The following EMILIN3 variants were observed in gnomAD, a reference collection of about 807,000 sequenced individuals.
EMILIN3 encodes EMILIN-3.
Under a neutral mutation model 42.8 loss-of-function variants are expected in EMILIN3, and 38 were observed. That is an observed-to-expected ratio of 0.89 (90% CI 0.69 to 1.16). The LOEUF is 1.16. Ranked by LOEUF, EMILIN3 falls within the 50% of genes most tolerant of loss-of-function variation. The pLI, the probability that EMILIN3 is intolerant of heterozygous loss-of-function variation, is 0.00. For missense variants in EMILIN3, 924 were observed against 999.5 expected, an observed-to-expected ratio of 0.92 and a Z score of 1.02; for synonymous variants, 430 against 440.5, an observed-to-expected ratio of 0.98 and a Z score of 0.30.
chr20:41,361,788 A>G lies in EMILIN3; in HGVS notation c.1781T>C (p.Val594Ala). The G allele has an allele frequency of 6.2e-7, 1 of 1,613,676 alleles. No homozygotes were observed. Among genetic ancestry groups the G allele is most frequent in the Non-Finnish European group, 8.5e-7 (1 of 1,180,040 alleles). ...ITLLKVNLNS[V>A]SKSLTGLSDS... is the part of the protein sequence containing the mutation. The stretch of plus-strand genomic sequence containing the variant: ...ACTGAGGCCTGTGAGCGACTTGCTC[A>G]CTGAGTTCAGATTGACCTTGAGCAG... Residue 594 changes from valine (V) to alanine (A), a missense_variant, in exon 4 of 4, where the codon GTG becomes GCG. By Grantham distance (64) the Val-to-Ala change is moderately conservative. Transcript: ENST00000332312.
At position 41,363,045 on chromosome 20, in the gene EMILIN3, C is replaced by T; in HGVS notation, c.524G>A (p.Gly175Asp). 1 of 1,570,634 alleles carries T rather than the reference C, an allele frequency of 6.4e-7. No individual in the cohort carries two copies. Among genetic ancestry groups the T allele is most frequent in the Non-Finnish European group, 8.7e-7 (1 of 1,153,078 alleles). ...CAGCCGCTCACCAAACAGCCCTGGG[C>T]CTTTCCTTCCTGGGAAAGAGAAGAG... is the stretch of plus-strand genomic sequence containing the variant. ...RAAPSPHGRKGPGLFGERLER... is the reference protein window; with the variant it reads ...RAAPSPHGRKDPGLFGERLER... Residue 175 changes from glycine to aspartate, a missense_variant, in exon 4 of 4, where the codon GGC (glycine) becomes GAC (aspartate). Transcript: ENST00000332312.
In EMILIN3 at chr20:41,363,019, CCAGCCGCTCACCAAA is replaced by C. The variant is rs748103297; in HGVS notation, c.535_549del (p.Phe179_Leu183del). 3 of 1,600,836 alleles carry C rather than the reference CCAGCCGCTCACCAAA, an allele frequency of 1.9e-6. No individual in the cohort carries two copies. The African/African-American group carries it at 4.0e-5, about 21-fold the overall frequency. ...CGCTGGACATCACCCTCCAGGCGTT[CCAGCCGCTCACCAAA>C]CAGCCCTGGGCCTTTCCTTCCTGGG... On this transcript the variant is annotated inframe_deletion, in exon 4 of 4. Transcript: ENST00000332312.
chr20:41,365,198 G>A (rs149931978), intron 1 of EMILIN3, 41 bp from the exon 2 acceptor site: 32 of 1,606,126 alleles, frequency 2.0e-5, no homozygotes, highest in Middle Eastern at 1.7e-4. Context: ...CTGGCTGAGC[G>A]AGGCCCACAG....
chr20:41,360,945 C>T lies in EMILIN3; in HGVS notation c.*323G>A. ...CAAGGCCAGTTTGCCACAGCAGCTG[C>T]CCCTGCCAGCCATGCTCAGGCCCTG... On this transcript the variant is annotated 3_prime_UTR_variant, in exon 4 of 4. Transcript: ENST00000332312. 2.5e-6 allele frequency: 1 copy of T among 398,018 alleles called. No homozygotes were observed. Among genetic ancestry groups the T allele is most frequent in the Non-Finnish European group, 4.6e-6 (1 of 219,212 alleles). 24.7% of individuals were successfully genotyped at this position (398,018 alleles called of 1,614,324 possible). A position where few individuals can be genotyped will look rare whatever the true frequency, so the allele number is the denominator to read the frequency against.
chr20:41,363,654 T>C lies in EMILIN3; in HGVS notation c.498A>G (p.Ala166=). The C allele has an allele frequency of 6.2e-7, 1 of 1,610,922 alleles. No individual in the cohort carries two copies. Among genetic ancestry groups the C allele is most frequent in the African/African-American group, 1.3e-5 (1 of 75,000 alleles). Residue 166 remains alanine (A), a synonymous_variant, in exon 3 of 4, where the codon GCA becomes GCG. Transcript: ENST00000332312. Reference sequence around the variant, plus strand: ...CAGACTCACCATGAGGGCTGGGGGCTGCTCTGCTGTAGGAAGGGGGCCTGG... The same window carrying C: ...CAGACTCACCATGAGGGCTGGGGGCCGCTCTGCTGTAGGAAGGGGGCCTGG... The part of the protein sequence containing the change: ...PGPRPPSYSR[A]APSPHGRKGP...
Position 41,362,919 on chromosome 20 carries a change from G to A in EMILIN3, c.650C>T (p.Pro217Leu), listed in dbSNP as rs780892279. ...HEDPNRMTGG[P>L]RAPAVPVGFG... ...GCCCACAGGGACAGCAGGAGCCCTG[G>A]GGCCACCAGTCATCCTGTTGGGATC... is the stretch of plus-strand genomic sequence containing the variant. Residue 217 changes from proline to leucine, a missense_variant, in exon 4 of 4, where the codon CCC (proline) becomes CTC (leucine). By Grantham distance (98) the Pro-to-Leu change is moderately conservative. Coordinates refer to ENST00000332312, the MANE Select transcript of EMILIN3 (RefSeq NM_052846.2). The A allele has an allele frequency of 2.5e-6, 4 of 1,613,620 alleles. No homozygotes were observed. The highest frequency in any genetic ancestry group is 3.4e-6 in the Non-Finnish European group (4 of 1,179,816).
rs1440243399 is a variant in EMILIN3 at position 41,360,830 on chromosome 20, G to A, written c.*438C>T. 1 of 191,208 alleles carries A rather than the reference G, an allele frequency of 5.2e-6. No homozygotes were observed. Among genetic ancestry groups the A allele is most frequent in the Non-Finnish European group, 1.1e-5 (1 of 93,194 alleles). The allele number at this position is 191,208 out of a possible 1,614,324, so 11.8% of individuals were successfully genotyped here. On this transcript the variant is annotated 3_prime_UTR_variant, in exon 4 of 4. Coordinates refer to ENST00000332312, the MANE Select transcript of EMILIN3 (RefSeq NM_052846.2). Reference sequence around the variant, plus strand: ...CACAGGGCAATGCGGACAGGCCACTGGCTGTGGGCCTGTAGGTCTCTGCAC... The same window carrying A: ...CACAGGGCAATGCGGACAGGCCACTAGCTGTGGGCCTGTAGGTCTCTGCAC...
Position 41,362,285 on chromosome 20 carries a change from G to A in EMILIN3, c.1284C>T (p.Leu428=), listed in dbSNP as rs763591511. The A allele has an allele frequency of 5.7e-5, 92 of 1,612,504 alleles. No homozygotes were observed. Among genetic ancestry groups the A allele is most frequent in the South Asian group, 9.9e-5 (9 of 91,020 alleles). Residue 428 remains leucine, a synonymous_variant, in exon 4 of 4, where the codon CTC becomes CTT. Transcript: ENST00000332312. ...DELTRLSAAM[L]EGGVDGLLEG... is the part of the protein sequence containing the mutation. Reference sequence around the variant, plus strand: ...CAAGCAGCCCGTCCACACCTCCCTCGAGCATGGCAGCAGAGAGCCTCGTAA... The same window carrying A: ...CAAGCAGCCCGTCCACACCTCCCTCAAGCATGGCAGCAGAGAGCCTCGTAA...
chr20:41,362,150 G>A lies in EMILIN3; in HGVS notation c.1419C>T (p.Arg473=), dbSNP rs759754706. 1.3e-4 allele frequency: 212 copies of A among 1,610,584 alleles called. No individual in the cohort carries two copies. The Admixed American group carries it at 2.5e-3, about 19-fold the overall frequency. ...VGGFGTMLEE[R]VQSLEERLAT... ...CTAGGCGCTCCTCGAGGCTCTGCAC[G>A]CGCTCTTCCAGCATGGTCCCAAAGC... Residue 473 remains arginine, a synonymous_variant, in exon 4 of 4, where the codon CGC becomes CGT. Transcript: ENST00000332312.
In EMILIN3 at chr20:41,361,568, C is replaced by G; in HGVS notation, c.2001G>C (p.Lys667Asn). ...ELEQLKAGVAKVASGLSRCQD... is the reference protein window; with the variant it reads ...ELEQLKAGVANVASGLSRCQD... ...GGCAGCGGCTCAGCCCACTGGCCAC[C>G]TTGGCCACACCAGCCTTGAGTTGCT... Residue 667 changes from lysine (K) to asparagine (N), a missense_variant, in exon 4 of 4, where the codon AAG becomes AAC. By Grantham distance (94) the Lys-to-Asn change is moderately conservative. Coordinates refer to ENST00000332312, the MANE Select transcript of EMILIN3 (RefSeq NM_052846.2). The G allele has an allele frequency of 6.2e-7, 1 of 1,611,938 alleles. No homozygotes were observed. Among genetic ancestry groups the G allele is most frequent in the Admixed American group, 1.7e-5 (1 of 59,940 alleles).
chr20:41,362,573 C>A lies in EMILIN3; in HGVS notation c.996G>T (p.Leu332=), dbSNP rs759098695. 5 of 1,600,588 alleles carry A rather than the reference C, an allele frequency of 3.1e-6. No homozygotes were observed. In the East Asian group the frequency reaches 1.1e-4, roughly 36 times the overall value. Residue 332 remains leucine, a synonymous_variant, in exon 4 of 4, where the codon CTG becomes CTT. Coordinates refer to ENST00000332312, the MANE Select transcript of EMILIN3 (RefSeq NM_052846.2). The part of the protein sequence containing the change: ...KLQGVQSECD[L]RVQEVRRQCE... Reference sequence around the variant, plus strand: ...ATTGCCGCCGTACCTCCTGCACCCGCAGGTCACACTCACTCTGGACGCCTT... The same window carrying A: ...ATTGCCGCCGTACCTCCTGCACCCGAAGGTCACACTCACTCTGGACGCCTT...
Position 41,362,812 on chromosome 20 carries a change from T to C in EMILIN3, c.757A>G (p.Ser253Gly), listed in dbSNP as rs1402305081. 6.2e-7 allele frequency: 1 copy of C among 1,614,084 alleles called. No homozygotes were observed. The highest frequency in any genetic ancestry group is 8.5e-7 in the Non-Finnish European group (1 of 1,180,036). The change falls in exon 4 of 4, where the codon AGC becomes GGC. Residue 253 changes from serine to glycine, a missense_variant. By Grantham distance (56) the Ser-to-Gly change is moderately conservative. Transcript: ENST00000332312. Reference sequence around the variant, plus strand: ...GTGTTGCTCACCTCTGTCACCTTGCTTAGGATCTCGTCTAAGGGAGGTGTT... The same window carrying C: ...GTGTTGCTCACCTCTGTCACCTTGCCTAGGATCTCGTCTAAGGGAGGTGTT... ...PLTPPLDEIL[S>G]KVTEVSNTLQ...
intron 2 of EMILIN3, 113 bp from the exon 3 acceptor site, chr20:41,363,974 A>G: frequency 1.1e-6 from 1 of 942,934 alleles, no homozygotes; most frequent in Non-Finnish European, 1.6e-6. Flanking sequence ...GTATCTCCCC[A>G]CCTCCATAGC....
At position 41,361,247 on chromosome 20, in the gene EMILIN3, G is replaced by C. The variant is rs776352685; in HGVS notation, c.*21C>G. ...TTCCCCGAGTTGGTGGGATCTAGGG[G>C]TTGGGTCCTGGCCAGCCTGTCTAGT... is the stretch of plus-strand genomic sequence containing the variant. On this transcript the variant is annotated 3_prime_UTR_variant, in exon 4 of 4. Transcript: ENST00000332312. 7.7e-6 allele frequency: 12 copies of C among 1,559,568 alleles called. No homozygotes were observed. Among genetic ancestry groups the C allele is most frequent in the Non-Finnish European group, 1.0e-5 (12 of 1,146,212 alleles).
chr20:41,366,105 C>G lies in EMILIN3; in HGVS notation c.167+363G>C, dbSNP rs1355594251. Among the ~76,000 whole-genome samples the G allele has an allele frequency of 6.6e-6, 1 of 152,132 alleles. No individual in the cohort carries two copies. Among genetic ancestry groups the G allele is most frequent in the East Asian group, 1.9e-4 (1 of 5,166 alleles). ...AGAAGGGAGGCCCGGGGCGGGGGAGCCCCGCGTGCTCAGCGCGCGGACCGC... is the reference window on the plus strand; with the variant it reads ...AGAAGGGAGGCCCGGGGCGGGGGAGGCCCGCGTGCTCAGCGCGCGGACCGC... On this transcript the variant is annotated intron_variant, in intron 1 of 3. Transcript: ENST00000332312. This position sits in a 1 kb window ranked among gnomAD's most constrained non-coding sequence, Gnocchi z 4.2.
At chr20:41,364,023 G>A (rs1272011942) in intron 2 of EMILIN3, among the ~76,000 whole-genome samples, 162 bp from the exon 3 acceptor site, 1 of 152,140 alleles carries the variant, frequency 6.6e-6, no homozygotes, top group Non-Finnish European at 1.5e-5. Context: ...TAAGGTGACA[G>A]GGGTGGGTAA....
rs1164587788 is a variant in EMILIN3 at position 41,366,206 on chromosome 20, G to T, written c.167+262C>A. On this transcript the variant is annotated intron_variant, in intron 1 of 3. Transcript: ENST00000332312. The surrounding 1 kb of genome is among the most constrained non-coding windows in gnomAD (Gnocchi z 4.2). ...CGCAGCTGGAAAATGTTACTTCGCT[G>T]GAAAGGTTTCCGCTGGCACTGCCAG... 6.6e-6 allele frequency among the ~76,000 whole-genome samples: 1 copy of T among 152,192 alleles called. No homozygotes were observed. The highest frequency in any genetic ancestry group is 1.5e-5 in the Non-Finnish European group (1 of 68,006).
In EMILIN3 at chr20:41,366,607, G is replaced by C; in HGVS notation, c.28C>G (p.Leu10Val). 9.2e-7 allele frequency: 1 copy of C among 1,086,032 alleles called. No individual in the cohort carries two copies. Among genetic ancestry groups the C allele is most frequent in the Non-Finnish European group, 1.1e-6 (1 of 895,974 alleles). The allele number at this position is 1,086,032 out of a possible 1,614,324, so 67.3% of individuals were successfully genotyped here. ...GAGAGCAGCGCCGCGACGGCGCACA[G>C]CCAGACGAGCAGGCGGCGGCGGCCC... MGRRRLLVW[L>V]CAVAALLSGA... Residue 10 changes from leucine (L) to valine (V), a missense_variant, in exon 1 of 4, where the codon CTG (leucine) becomes GTG (valine). By Grantham distance (32) the Leu-to-Val change is conservative. Transcript: ENST00000332312. The surrounding 1 kb of genome is among the most constrained non-coding windows in gnomAD (Gnocchi z 4.2).
At position 41,366,629 on chromosome 20, in the gene EMILIN3, G is replaced by C; in HGVS notation, c.6C>G (p.Gly2=). Residue 2 remains glycine (G), a synonymous_variant, in exon 1 of 4, where the codon GGC becomes GGG. Transcript: ENST00000332312. The surrounding 1 kb of genome is among the most constrained non-coding windows in gnomAD (Gnocchi z 4.2). ...ACAGCCAGACGAGCAGGCGGCGGCG[G>C]CCCATAGCGGCCCCCGCGCCTCTGC... M[G]RRRLLVWLCA... 9.5e-7 allele frequency: 1 copy of C among 1,049,982 alleles called. No homozygotes were observed. Among genetic ancestry groups the C allele is most frequent in the Middle Eastern group, 4.4e-4 (1 of 2,254 alleles). The allele number at this position is 1,049,982 out of a possible 1,614,324, so 65.0% of individuals were successfully genotyped here.
Sources: gnomAD v4.1 joint callset for allele counts (sites outside exome capture counted in the v4.1 genomes callset) on GRCh38, gnomAD v4.1.1 for gene constraint, Gnocchi (gnomAD v3.1) non-coding constraint, MANE v1.5 for transcripts, NCBI Gene and HGNC (gene_info 2026-07-23, HGNC 2026-07-21) for gene names.